The following MEGF10 variants were observed in gnomAD, a reference collection of about 807,000 sequenced individuals.
MEGF10 encodes the protein multiple EGF like domains 10.
In MEGF10, 86 loss-of-function variants were observed where a neutral mutation model predicts 147.5. The ratio of observed to expected loss-of-function variants is 0.58; its 90% confidence interval spans 0.49 to 0.70. The LOEUF is 0.70. Ranked by LOEUF, MEGF10 falls within the 30% of genes least tolerant of loss-of-function variation. The pLI, the probability that MEGF10 is intolerant of heterozygous loss-of-function variation, is 0.00. For missense variants in MEGF10, 1,329 were observed against 1,487.3 expected, an observed-to-expected ratio of 0.89 and a Z score of 1.75; for synonymous variants, 478 against 525.5, an observed-to-expected ratio of 0.91 and a Z score of 1.24.
chr5:127,449,128 T>A lies in MEGF10; in HGVS notation c.2886T>A (p.Leu962=), dbSNP rs771896565. Residue 962 remains leucine, a synonymous_variant, in exon 22 of 25, where the codon CTT becomes CTA. Transcript: ENST00000503335. ...KSKNNQLFVN[L]KNVNPGKRGP... is the part of the protein sequence containing the mutation. The stretch of plus-strand genomic sequence containing the variant: ...AAAACAATCAACTGTTTGTGAATCT[T>A]AAAAATGTGAACCCTGGGAAGAGAG... 6.2e-7 allele frequency: 1 copy of A among 1,614,136 alleles called. No homozygotes were observed. The highest frequency in any genetic ancestry group is 8.5e-7 in the Non-Finnish European group (1 of 1,180,000).
At chr5:127,331,250 A>G (rs1761244758) in intron 1 of MEGF10, 41 bp from the exon 2 acceptor site, 6 of 1,049,456 alleles carry the variant, frequency 5.7e-6, no homozygotes, top group Non-Finnish European at 8.9e-6. Context: ...TGTGTGAGTC[A>G]TTTCAATGCA....
chr5:127,289,738 C>T (rs1027687186), upstream of MEGF10, among the ~76,000 whole-genome samples: 1 of 152,026 alleles, frequency 6.6e-6, no homozygotes, highest in Admixed American at 6.5e-5. Flanking sequence ...TTTCCAGGAG[C>T]GTTATTGAGT....
intron 4 of MEGF10, among the ~76,000 whole-genome samples, chr5:127,343,889 C>T (rs1331556008): frequency 6.6e-6 from 1 of 152,156 alleles, no homozygotes; most frequent in Non-Finnish European, 1.5e-5. Flanking sequence ...GAGTGGCCTC[C>T]AGGAGCCAGG....
chr5:127,394,227 G>A (rs1241818205), intron 5 of MEGF10, among the ~76,000 whole-genome samples: 1 of 152,136 alleles, frequency 6.6e-6, no homozygotes, highest in Non-Finnish European at 1.5e-5. Flanking sequence ...AGTTAAGAGG[G>A]ACATGGAAAC....
intron 9 of MEGF10, among the ~76,000 whole-genome samples, chr5:127,411,984 A>G (rs950264429): frequency 6.6e-6 from 1 of 152,268 alleles, no homozygotes; most frequent in Non-Finnish European, 1.5e-5. Context: ...TATGAGAAGA[A>G]TTGGAGAAGC....
chr5:127,399,789 A>C (rs986798116), intron 7 of MEGF10, among the ~76,000 whole-genome samples: 2 of 152,070 alleles, frequency 1.3e-5, no homozygotes, highest in Non-Finnish European at 2.9e-5. Context: ...CTTCTTCTGC[A>C]TACTTCTTCA....
chr5:127,264,209 A>G, the MEGF10 span, among the ~76,000 whole-genome samples: 5 of 152,166 alleles, frequency 3.3e-5, no homozygotes, highest in African/African-American at 9.7e-5. Context: ...TGGTATCAAT[A>G]TAACTCTCAA....
At chr5:127,232,956 GC>G in the MEGF10 span, among the ~76,000 whole-genome samples, 2 of 152,124 alleles carry the variant, frequency 1.3e-5, no homozygotes, top group Non-Finnish European at 2.9e-5. Context: ...ATTTCTGTGA[GC>G]CTTAATCCCA....
At chr5:127,338,501 C>G (rs1415605180) in intron 2 of MEGF10, among the ~76,000 whole-genome samples, 2 of 152,086 alleles carry the variant, frequency 1.3e-5, no homozygotes, top group Admixed American at 1.3e-4. Flanking sequence ...TAGTAGCAAG[C>G]TGTTGGTATG....
intron 22 of MEGF10, among the ~76,000 whole-genome samples, chr5:127,449,778 G>A (rs1407802233): frequency 6.6e-6 from 1 of 152,048 alleles, no homozygotes; most frequent in Non-Finnish European, 1.5e-5. Flanking sequence ...AGTGGTTCGG[G>A]CAACTTTTTG....
chr5:127,242,148 T>G, the MEGF10 span, among the ~76,000 whole-genome samples: 1 of 152,204 alleles, frequency 6.6e-6, no homozygotes, highest in African/African-American at 2.4e-5. Flanking sequence ...TGCTTCAGTT[T>G]GATAAGACAT....
In MEGF10 at chr5:127,449,098, G is replaced by A; in HGVS notation, c.2857-1G>A. 1.9e-6 allele frequency: 3 copies of A among 1,614,016 alleles called. No individual in the cohort carries two copies. In the East Asian group the frequency reaches 6.7e-5, roughly 36 times the overall value. On this transcript the variant is annotated splice_acceptor_variant, in intron 21 of 24. Coordinates refer to ENST00000503335, the MANE Select transcript of MEGF10 (RefSeq NM_001256545.2). LOFTEE classifies it high-confidence loss of function. ...TCTTTCGTTGTTTATATTTTTAACA[G>A]TCAAAAAACAATCAACTGTTTGTGA...
chr5:127,374,456 C>A (rs1284682592), intron 5 of MEGF10, among the ~76,000 whole-genome samples: 1 of 152,196 alleles, frequency 6.6e-6, no homozygotes, highest in Non-Finnish European at 1.5e-5. Flanking sequence ...GACGCATACT[C>A]CTTTGGTTAT....
the MEGF10 span, among the ~76,000 whole-genome samples, chr5:127,235,598 T>A: frequency 0.5 from 76,270 of 152,048 alleles, 19,395 homozygotes; most frequent in Middle Eastern, 0.61. Flanking sequence ...GTAATTTTTA[T>A]ATTATCGTGT....
chr5:127,388,694 C>T (rs6892742), intron 5 of MEGF10, among the ~76,000 whole-genome samples: 19,230 of 151,514 alleles, frequency 0.13, 1,270 homozygotes, highest in Non-Finnish European at 0.15. Context: ...TACAGGCACC[C>T]GCCACCATGC....
At chr5:127,246,230 A>G in the MEGF10 span, among the ~76,000 whole-genome samples, 3 of 152,204 alleles carry the variant, frequency 2.0e-5, no homozygotes, top group Non-Finnish European at 4.4e-5. Flanking sequence ...GATAGACTGG[A>G]TAAAGAAAAT....
chr5:127,352,700 A>G lies in MEGF10; in HGVS notation c.319+12070A>G, dbSNP rs529512725. On this transcript the variant is annotated intron_variant, in intron 4 of 24. Transcript: ENST00000503335. ...ACAAAAAAAAAAGCGTTTATTTACCATTTGTATTTTGGCTTTAGGGCCAGG... is the reference window on the plus strand; with the variant it reads ...ACAAAAAAAAAAGCGTTTATTTACCGTTTGTATTTTGGCTTTAGGGCCAGG... Among the ~76,000 whole-genome samples the G allele has an allele frequency of 2.6e-5, 4 of 152,154 alleles. No individual in the cohort carries two copies. In the East Asian group the frequency reaches 7.7e-4, roughly 29 times the overall value.
rs150569270 is a variant in MEGF10 at position 127,371,090 on chromosome 5, C to G, written c.412+1088C>G. ...GTTTCGGACTTGTGATCTCTTGGCT[C>G]TCCTTGAAGCAGCTTCTCCAGGGGA... On this transcript the variant is annotated intron_variant, in intron 5 of 24. Transcript: ENST00000503335. Among the ~76,000 whole-genome samples the G allele has an allele frequency of 7.9e-4, 120 of 152,216 alleles. 2 individuals are homozygous for G. The East Asian group carries it at 0.021, about 26-fold the overall frequency.
intron 1 of MEGF10, among the ~76,000 whole-genome samples, chr5:127,308,530 G>A (rs1161960711): frequency 6.6e-6 from 1 of 152,128 alleles, no homozygotes; most frequent in African/African-American, 2.4e-5. Context: ...ATACTATGCA[G>A]CCATAAAAAA....
Sources: allele counts gnomAD v4.1 joint callset (sites outside exome capture counted in the v4.1 genomes callset), GRCh38; gene constraint gnomAD v4.1.1; transcripts MANE v1.5; gene names NCBI Gene and HGNC (gene_info 2026-07-23, HGNC 2026-07-21).